The following IL16 variants were observed in gnomAD, a reference collection of about 807,000 sequenced individuals.
IL16 encodes interleukin 16.
Under a neutral mutation model 110.1 loss-of-function variants are expected in IL16, and 67 were observed. The observed-to-expected ratio is 0.61, with a 90% confidence interval of 0.50 to 0.75. The LOEUF is 0.75. Among genes scored for constraint, IL16 ranks in the 30% least tolerant of loss-of-function variants. IL16 has a pLI of 0.00. For synonymous variants in IL16, 689 were observed against 662.9 expected (o/e 1.04, Z -0.61); for missense variants, 1,545 against 1,655.0 (o/e 0.93, Z 1.15).
Position 81,292,618 on chromosome 15 carries a change from A to G in IL16, c.1483A>G (p.Asn495Asp). 1 of 1,608,986 alleles carries G rather than the reference A, an allele frequency of 6.2e-7. No homozygotes were observed. The highest frequency in any genetic ancestry group is 8.5e-7 in the Non-Finnish European group (1 of 1,175,768). The change falls in exon 12 of 19, where the codon AAC (asparagine) becomes GAC (aspartate). Residue 495 changes from asparagine (N) to aspartate (D), a missense_variant. Coordinates refer to ENST00000683961, the MANE Select transcript of IL16 (RefSeq NM_172217.5). ...CACCTTGGAGAAGGAACGAGAGAAG[A>G]ACTCAGCACCCCCGCATCGCAGGGC... Reference protein sequence around the residue: ...RPTLEKEREKNSAPPHRRAQK... With the variant: ...RPTLEKEREKDSAPPHRRAQK...
In IL16 at chr15:81,303,603, G is replaced by A; in HGVS notation, c.3373G>A (p.Gly1125Arg). The change falls in exon 16 of 19, where the codon GGG becomes AGG. Residue 1125 changes from glycine to arginine, a missense_variant. Physicochemically the swap from Gly to Arg is moderately radical, Grantham distance 125. Coordinates refer to ENST00000683961, the MANE Select transcript of IL16 (RefSeq NM_172217.5). The surrounding 1 kb of genome is among the most constrained non-coding windows in gnomAD (Gnocchi z 4.1). ...ILHKEEGAGL[G>R]FSLAGGADLE... The stretch of plus-strand genomic sequence containing the variant: ...ACACAAGGAGGAAGGTGCTGGTCTT[G>A]GGTTCAGCTTGGCAGGAGGAGCAGA... The A allele has an allele frequency of 1.2e-6, 2 of 1,614,128 alleles. No homozygotes were observed. The highest frequency in any genetic ancestry group is 1.7e-6 in the Non-Finnish European group (2 of 1,179,938).
chr15:81,215,336 T>G (rs1000457110), intron 1 of IL16, among the ~76,000 whole-genome samples: 4 of 152,250 alleles, frequency 2.6e-5, no homozygotes, highest in African/African-American at 9.6e-5. Context: ...GCACAGGATC[T>G]TTATGCTTGG....
chr15:81,272,543 G>A (rs1305579487), intron 5 of IL16, among the ~76,000 whole-genome samples: 1 of 152,226 alleles, frequency 6.6e-6, no homozygotes, highest in Non-Finnish European at 1.5e-5. Context: ...GCAGGTGCAG[G>A]AGGGAGAGCA....
intron 1 of IL16, among the ~76,000 whole-genome samples, chr15:81,220,586 G>A (rs1354539430): frequency 6.6e-6 from 1 of 152,186 alleles, no homozygotes; most frequent in Admixed American, 6.5e-5. Context: ...TGCCTTTGAT[G>A]TAGGACACTG....
At chr15:81,220,532 G>A (rs1378217368) in intron 1 of IL16, among the ~76,000 whole-genome samples, 1 of 152,098 alleles carries the variant, frequency 6.6e-6, no homozygotes. Flanking sequence ...AATTGACAAA[G>A]ACAAAAATTA....
rs1899799841 is a variant in IL16 at position 81,292,837 on chromosome 15, C to A, written c.1702C>A (p.Pro568Thr). Residue 568 changes from proline to threonine, a missense_variant, in exon 12 of 19, where the codon CCC becomes ACC. By Grantham distance (38) the Pro-to-Thr change is conservative (BLOSUM62 -1). Around this residue, in one of 3 missense-constraint regions of IL16, gnomAD observed 1,185 missense variants for 1,238.8 expected, o/e 0.96. Transcript: ENST00000683961. Reference protein sequence around the residue: ...ASSRLPQESPPLPESRDSHPP... With the variant: ...ASSRLPQESPTLPESRDSHPP... ...CTCCAGGCTGCCCCAGGAGAGCCCA[C>A]CCCTCCCAGAGAGCCGGGACAGCCA... 2 of 1,613,894 alleles carry A rather than the reference C, an allele frequency of 1.2e-6. No individual in the cohort carries two copies. The highest frequency in any genetic ancestry group is 1.3e-5 in the African/African-American group (1 of 74,918).
chr15:81,259,088 GT>G (rs1898059937), intron 2 of IL16, among the ~76,000 whole-genome samples: 1 of 152,078 alleles, frequency 6.6e-6, no homozygotes, highest in Admixed American at 6.6e-5. Context: ...CCATAAGCAA[GT>G]TTAACAATAT....
chr15:81,282,635 C>A lies in IL16; in HGVS notation c.1082-4C>A. 6.2e-7 allele frequency: 1 copy of A among 1,610,446 alleles called. No individual in the cohort carries two copies. The highest frequency in any genetic ancestry group is 8.5e-7 in the Non-Finnish European group (1 of 1,178,694). Reference sequence around the variant, plus strand: ...CTCCCCACCCCGCCCTGTTCTGCTTCCAGAGGCCGGCGTGGGCCTGGGCAT... The same window carrying A: ...CTCCCCACCCCGCCCTGTTCTGCTTACAGAGGCCGGCGTGGGCCTGGGCAT... On this transcript the variant is annotated splice_polypyrimidine_tract_variant and splice_region_variant and intron_variant, in intron 8 of 18. Transcript: ENST00000683961.
At position 81,310,500 on chromosome 15, in the gene IL16, G is replaced by T. The variant is rs577121866; in HGVS notation, c.*1702G>T. On this transcript the variant is annotated 3_prime_UTR_variant, in exon 19 of 19. Transcript: ENST00000683961. ...AAGCAGTAGACAAGCAATTAGACAA[G>T]AACTTGGAGGCACCATTTGTATCCA... The T allele has an allele frequency of 6.6e-6, 1 of 152,312 alleles. No homozygotes were observed. The highest frequency in any genetic ancestry group is 2.1e-4 in the South Asian group (1 of 4,828). 9.4% of individuals were successfully genotyped at this position (152,312 alleles called of 1,614,324 possible). A position where few individuals can be genotyped will look rare whatever the true frequency, so the allele number is the denominator to read the frequency against.
intron 11 of IL16, among the ~76,000 whole-genome samples, chr15:81,291,352 G>A (rs1227005507): frequency 6.6e-6 from 1 of 152,126 alleles, no homozygotes; most frequent in African/African-American, 2.4e-5. Context: ...AGTTATTTCT[G>A]GCTGATAGGA....
At chr15:81,247,646 G>GGT (rs146036993) in intron 2 of IL16, among the ~76,000 whole-genome samples, 1,628 of 152,158 alleles carry the variant, frequency 0.011, 30 homozygotes, top group African/African-American at 0.038. Context: ...ACATTGCTAT[G>GGT]GTGTGTGTGT....
At chr15:81,234,852 C>A (rs1897128770) in intron 2 of IL16, among the ~76,000 whole-genome samples, 1 of 152,162 alleles carries the variant, frequency 6.6e-6, no homozygotes, top group Non-Finnish European at 1.5e-5. Flanking sequence ...TTCTACCTTC[C>A]TACCTTGACA....
intron 16 of IL16, 109 bp from the exon 17 acceptor site, chr15:81,305,799 G>GT: frequency 7.5e-7 from 1 of 1,340,896 alleles, no homozygotes; most frequent in Non-Finnish European, 1.0e-6. Flanking sequence ...TTTAATCTTT[G>GT]TTGGCCTAAA....
rs554470301 is a variant in IL16, at chr15:81,233,962, T to G, written c.312+8251T>G. Reference sequence around the variant, plus strand: ...CCTTATATATTTTGAAGCTATACTCTATGTGCATAGACCTTTATAACTTTT... The same window carrying G: ...CCTTATATATTTTGAAGCTATACTCGATGTGCATAGACCTTTATAACTTTT... On this transcript the variant is annotated intron_variant, in intron 2 of 18. Transcript: ENST00000683961. 8.4e-3 allele frequency among the ~76,000 whole-genome samples: 1,282 copies of G among 152,246 alleles called. 13 individuals are homozygous for G. Among genetic ancestry groups the G allele is most frequent in the African/African-American group, 0.019 (808 of 41,564 alleles).
intron 2 of IL16, among the ~76,000 whole-genome samples, chr15:81,228,342 A>G (rs188641653): frequency 6.4e-4 from 91 of 142,604 alleles, no homozygotes; most frequent in African/African-American, 2.3e-3. Flanking sequence ...TTTTTTTGAG[A>G]CGGAGTCTCG....
At chr15:81,204,333 G>A (rs1044965801) in intron 1 of IL16, among the ~76,000 whole-genome samples, 1 of 151,882 alleles carries the variant, frequency 6.6e-6, no homozygotes, top group African/African-American at 2.4e-5. Flanking sequence ...CTGCCTAATT[G>A]CCCTGGCCAG....
intron 1 of IL16, among the ~76,000 whole-genome samples, chr15:81,203,283 C>T (rs901356689): frequency 2.6e-5 from 4 of 152,060 alleles, no homozygotes; most frequent in Non-Finnish European, 5.9e-5. Flanking sequence ...CCTGTTCACT[C>T]TGATGGTAGT....
intron 1 of IL16, among the ~76,000 whole-genome samples, chr15:81,185,356 T>C (rs1595929950): frequency 6.9e-6 from 1 of 145,978 alleles, no homozygotes; most frequent in African/African-American, 2.7e-5. Context: ...TTTTTTCTTT[T>C]CTTTTCCTTT....
chr15:81,291,850 G>A (rs1596040425), intron 11 of IL16: 1 of 452,474 alleles, frequency 2.2e-6, no homozygotes, highest in Middle Eastern at 3.3e-4. Flanking sequence ...GCCTTGACAG[G>A]TAGTTTCTCT....
Sources: gnomAD v4.1 joint callset for allele counts (sites outside exome capture counted in the v4.1 genomes callset) on GRCh38, gnomAD v4.1.1 for gene constraint, gnomAD v4.1.1 regional missense constraint, Gnocchi (gnomAD v3.1) non-coding constraint, MANE v1.5 for transcripts, NCBI Gene and HGNC (gene_info 2026-07-23, HGNC 2026-07-21) for gene names.